The following OLFM3 variants were observed in gnomAD, a reference collection of about 807,000 sequenced individuals.
The protein encoded by OLFM3 is olfactomedin 3.
OLFM3 carries 20 observed loss-of-function variants against 48.6 expected under a neutral mutation model. That is an observed-to-expected ratio of 0.41 (90% CI 0.29 to 0.60). OLFM3 has a LOEUF of 0.60. Among genes scored for constraint, OLFM3 ranks in the 20% least tolerant of loss-of-function variants. The pLI is 0.28. For missense variants in OLFM3, 437 were observed against 544.3 expected, an observed-to-expected ratio of 0.80 and a Z score of 1.96; for synonymous variants, 222 against 198.1, an observed-to-expected ratio of 1.12 and a Z score of -1.01.
At chr1:101,892,284 T>C (rs1435069781) in intron 1 of OLFM3, among the ~76,000 whole-genome samples, 1 of 152,012 alleles carries the variant, frequency 6.6e-6, no homozygotes, top group Admixed American at 6.6e-5. Context: ...AATAAAGCTT[T>C]TGTATTCTCC....
chr1:101,900,317 A>G (rs1353676342), intron 1 of OLFM3, among the ~76,000 whole-genome samples: 1 of 152,178 alleles, frequency 6.6e-6, no homozygotes, highest in African/African-American at 2.4e-5. Flanking sequence ...AGAACACAGA[A>G]GAAAGGTAGT....
chr1:101,847,929 C>A (rs141498616), intron 1 of OLFM3, among the ~76,000 whole-genome samples: 1 of 152,162 alleles, frequency 6.6e-6, no homozygotes, highest in African/African-American at 2.4e-5. Flanking sequence ...TGGCCGGTGA[C>A]AAGATTCCTT....
At chr1:101,861,612 A>G (rs1035905537) in intron 1 of OLFM3, among the ~76,000 whole-genome samples, 1 of 152,192 alleles carries the variant, frequency 6.6e-6, no homozygotes, top group Non-Finnish European at 1.5e-5. Flanking sequence ...ATGGAATTCT[A>G]GTCTTACTGT....
intron 1 of OLFM3, among the ~76,000 whole-genome samples, chr1:101,961,813 A>G (rs1660475520): frequency 6.6e-6 from 1 of 152,168 alleles, no homozygotes; most frequent in Non-Finnish European, 1.5e-5. Context: ...TAAGTTACAC[A>G]GAGCTAGTAT....
At position 101,900,067 on chromosome 1, in the gene OLFM3, T is replaced by A. The variant is rs1658341358; in HGVS notation, c.70-63042A>T. On this transcript the variant is annotated intron_variant, in intron 1 of 5. Transcript: ENST00000370103. Reference sequence around the variant, plus strand: ...TGAAATATTATAGGATATTCCCTTATTCTGCCTAATTACTTTTCCTATCAC... The same window carrying A: ...TGAAATATTATAGGATATTCCCTTAATCTGCCTAATTACTTTTCCTATCAC... 3.9e-5 allele frequency among the ~76,000 whole-genome samples: 6 copies of A among 152,240 alleles called. No homozygotes were observed. In the South Asian group the frequency reaches 1.2e-3, roughly 31 times the overall value.
intron 4 of OLFM3, among the ~76,000 whole-genome samples, chr1:101,824,063 A>G (rs1020230382): frequency 6.6e-5 from 10 of 152,112 alleles, no homozygotes; most frequent in Non-Finnish European, 1.3e-4. Context: ...TTAAATGTTT[A>G]CATTTATTCA....
At chr1:101,984,248 A>C (rs1455391195) in intron 1 of OLFM3, among the ~76,000 whole-genome samples, 3 of 9,482 alleles carry the variant, frequency 3.2e-4, no homozygotes, top group Admixed American at 2.1e-3. Context: ...ACTCTGTCTC[A>C]AAAAAAAAAA....
intron 1 of OLFM3, among the ~76,000 whole-genome samples, chr1:101,916,476 T>G (rs1332461568): frequency 2.0e-5 from 3 of 152,088 alleles, no homozygotes; most frequent in Non-Finnish European, 4.4e-5. Context: ...AAAAGACTGG[T>G]TGAAGAATCA....
intron 1 of OLFM3, chr1:101,882,903 A>G (rs562308543): frequency 3.9e-5 from 6 of 152,046 alleles, no homozygotes; most frequent in Admixed American, 3.9e-4. Context: ...AGGTTAAAGT[A>G]GACATGAAAA....
chr1:101,836,919 C>G lies in OLFM3; in HGVS notation c.176G>C (p.Arg59Pro). Reference protein sequence around the residue: ...VVAPEQNLCSRDAKSRQLRQL... With the variant: ...VVAPEQNLCSPDAKSRQLRQL... ...GCGAAGTTGCCTGCTTTTGGCATCC[C>G]GGGAACACAGGTTTTGTTCTGGAGC... The change falls in exon 2 of 6, where the codon CGG becomes CCG. Residue 59 changes from arginine (R) to proline (P), a missense_variant. Coordinates refer to ENST00000370103, the MANE Select transcript of OLFM3 (RefSeq NM_058170.4). The G allele has an allele frequency of 6.2e-7, 1 of 1,614,104 alleles. No homozygotes were observed.
intron 1 of OLFM3, chr1:101,893,988 A>C (rs1215943729): frequency 6.5e-6 from 1 of 153,524 alleles, no homozygotes; most frequent in African/African-American, 2.4e-5. Context: ...GGACCATTAC[A>C]ATGGAAAAGC....
At chr1:101,891,524 T>C (rs536777653) in intron 1 of OLFM3, among the ~76,000 whole-genome samples, 7 of 152,032 alleles carry the variant, frequency 4.6e-5, no homozygotes, top group Admixed American at 4.6e-4. Flanking sequence ...AAGCATGGTT[T>C]TGTTTGTTTT....
At position 101,898,854 on chromosome 1, in the gene OLFM3, C is replaced by G. The variant is rs369497922; in HGVS notation, c.70-61829G>C. Among the ~76,000 whole-genome samples, 148 of 151,940 alleles carry G rather than the reference C, an allele frequency of 9.7e-4. 1 individual carries two copies. Among genetic ancestry groups the G allele is most frequent in the African/African-American group, 3.5e-3 (144 of 41,436 alleles). On this transcript the variant is annotated intron_variant, in intron 1 of 5. Transcript: ENST00000370103. ...ACAGAGCAAGACTGTGTCTCAAAAACAAACAAACAAACAAAAAAAACAGAA... is the reference window on the plus strand; with the variant it reads ...ACAGAGCAAGACTGTGTCTCAAAAAGAAACAAACAAACAAAAAAAACAGAA...
intron 4 of OLFM3, among the ~76,000 whole-genome samples, chr1:101,819,647 C>T (rs1438311033): frequency 1.2e-4 from 18 of 151,582 alleles, no homozygotes; most frequent in African/African-American, 4.4e-4. Flanking sequence ...TCTTTTTTTT[C>T]TACAACAATT....
intron 1 of OLFM3, among the ~76,000 whole-genome samples, chr1:101,838,646 G>A (rs1301925063): frequency 6.6e-6 from 1 of 151,998 alleles, no homozygotes; most frequent in Non-Finnish European, 1.5e-5. Flanking sequence ...TCATTATACA[G>A]ATAGAAGCTA....
chr1:101,806,455 T>C (rs893532138), intron 4 of OLFM3, among the ~76,000 whole-genome samples: 15 of 151,828 alleles, frequency 9.9e-5, no homozygotes, highest in Non-Finnish European at 2.2e-4. Flanking sequence ...AAATGAGGAA[T>C]ATCATTATCA....
rs182316298 is a variant in OLFM3, at chr1:101,960,320, T to C, written c.69+36428A>G. Among the ~76,000 whole-genome samples the C allele has an allele frequency of 7.1e-4, 108 of 152,280 alleles. 1 individual carries two copies. In the East Asian group the frequency reaches 0.021, roughly 29 times the overall value. On this transcript the variant is annotated intron_variant, in intron 1 of 5. Transcript: ENST00000370103. ...AGAAGACAGCAGAACTCAGACGCATTGTGACTGCTCTTTAGATGCACTCTG... is the reference window on the plus strand; with the variant it reads ...AGAAGACAGCAGAACTCAGACGCATCGTGACTGCTCTTTAGATGCACTCTG...
intron 1 of OLFM3, among the ~76,000 whole-genome samples, chr1:101,866,660 T>G (rs1656874937): frequency 6.6e-6 from 1 of 152,188 alleles, no homozygotes; most frequent in Non-Finnish European, 1.5e-5. Flanking sequence ...TAAATAAGCA[T>G]TCATCTGCTC....
chr1:101,920,867 T>G (rs1201020490), intron 1 of OLFM3, among the ~76,000 whole-genome samples: 1 of 152,238 alleles, frequency 6.6e-6, no homozygotes, highest in Non-Finnish European at 1.5e-5. Context: ...GTTTTATATG[T>G]GTATTGACTT....
Sources: allele counts gnomAD v4.1 joint callset (sites outside exome capture counted in the v4.1 genomes callset), GRCh38; gene constraint gnomAD v4.1.1; transcripts MANE v1.5; gene names NCBI Gene and HGNC (gene_info 2026-07-23, HGNC 2026-07-21).